GPC6: variants seen among roughly 807,000 people sequenced by gnomAD.
GPC6 encodes the protein glypican-6.
GPC6 carries 14 observed loss-of-function variants against 55.2 expected under a neutral mutation model. That is an observed-to-expected ratio of 0.25 (90% CI 0.17 to 0.40). The LOEUF (loss-of-function observed/expected upper bound fraction) is 0.40. Among genes scored for constraint, GPC6 ranks in the 10% least tolerant of loss-of-function variants. The pLI is 1.00. For missense variants in GPC6, 641 were observed against 708.5 expected, an observed-to-expected ratio of 0.90 and a Z score of 1.08; for synonymous variants, 278 against 259.6, an observed-to-expected ratio of 1.07 and a Z score of -0.68.
chr13:93,464,892 T>C (rs1046830892), intron 1 of GPC6, among the ~76,000 whole-genome samples: 2 of 152,186 alleles, frequency 1.3e-5, no homozygotes, highest in Non-Finnish European at 2.9e-5. Flanking sequence ...AAAGTTGAAA[T>C]GACTCATTGA....
intron 1 of GPC6, among the ~76,000 whole-genome samples, chr13:93,454,041 GT>G (rs567588639): frequency 0.02 from 3,057 of 151,814 alleles, 109 homozygotes; most frequent in African/African-American, 0.07. Context: ...AAGGTTCTCC[GT>G]GTCCCCACCA....
intron 4 of GPC6, among the ~76,000 whole-genome samples, chr13:94,111,089 G>C (rs1214147631): frequency 6.6e-6 from 1 of 152,026 alleles, no homozygotes; most frequent in Non-Finnish European, 1.5e-5. Context: ...ATAAAAATGA[G>C]CATCTTTTTC....
chr13:93,330,698 G>C (rs958082000), intron 1 of GPC6, among the ~76,000 whole-genome samples: 2 of 152,014 alleles, frequency 1.3e-5, no homozygotes, highest in South Asian at 4.2e-4. Context: ...GGCTGATCTC[G>C]ATTCTATTGC....
intron 2 of GPC6, among the ~76,000 whole-genome samples, chr13:93,753,845 A>C (rs1452644184): frequency 6.6e-6 from 1 of 152,138 alleles, no homozygotes; most frequent in East Asian, 1.9e-4. Flanking sequence ...GCAGTGATGC[A>C]ATCATAGCTC....
At chr13:93,679,824 T>C (rs796071869) in intron 2 of GPC6, among the ~76,000 whole-genome samples, 13 of 105,206 alleles carry the variant, frequency 1.2e-4, no homozygotes, top group African/African-American at 4.0e-4. Context: ...CTAGGTGTTA[T>C]GAGCAAAAAA....
chr13:93,522,665 A>C (rs936403694), intron 1 of GPC6, among the ~76,000 whole-genome samples: 2 of 151,880 alleles, frequency 1.3e-5, no homozygotes, highest in Non-Finnish European at 2.9e-5. Context: ...TAAGTCATCA[A>C]AGACAAAACA....
At chr13:93,814,236 A>T (rs1392967372) in intron 2 of GPC6, among the ~76,000 whole-genome samples, 1 of 152,186 alleles carries the variant, frequency 6.6e-6, no homozygotes, top group African/African-American at 2.4e-5. Context: ...TTCTAGATTT[A>T]TGCCATTAAC....
At chr13:94,334,216 C>T (rs1394072220) in intron 6 of GPC6, among the ~76,000 whole-genome samples, 3 of 152,174 alleles carry the variant, frequency 2.0e-5, no homozygotes, top group African/African-American at 2.4e-5. Flanking sequence ...TTATCTTGAA[C>T]GCAGCCATGG....
intron 2 of GPC6, among the ~76,000 whole-genome samples, chr13:93,605,347 A>G (rs1010002500): frequency 4.6e-5 from 7 of 152,272 alleles, no homozygotes; most frequent in African/African-American, 1.7e-4. Flanking sequence ...ATAAGGCATC[A>G]TTTTTCCTTA....
intron 1 of GPC6, among the ~76,000 whole-genome samples, chr13:93,445,963 G>T (rs1189884019): frequency 9.9e-5 from 15 of 152,166 alleles, no homozygotes; most frequent in African/African-American, 3.6e-4. Flanking sequence ...AAATATGGCA[G>T]AGAGGGTGAA....
At chr13:93,766,910 C>T (rs1373270376) in intron 2 of GPC6, among the ~76,000 whole-genome samples, 1 of 152,044 alleles carries the variant, frequency 6.6e-6, no homozygotes, top group Non-Finnish European at 1.5e-5. Flanking sequence ...TTTTGGGTCA[C>T]TCATTTTAGC....
chr13:94,314,478 G>A (rs948324697), intron 6 of GPC6, among the ~76,000 whole-genome samples: 3 of 152,148 alleles, frequency 2.0e-5, no homozygotes, highest in Non-Finnish European at 4.4e-5. Context: ...CTGCGCACTC[G>A]TTTCACGGTA....
chr13:93,935,074 A>G (rs1465346693), intron 3 of GPC6, among the ~76,000 whole-genome samples: 3 of 152,170 alleles, frequency 2.0e-5, no homozygotes, highest in Non-Finnish European at 4.4e-5. Context: ...TTACTTGTTA[A>G]TACGGCCTCT....
chr13:94,157,973 C>T (rs1888014179), intron 4 of GPC6, among the ~76,000 whole-genome samples: 1 of 152,062 alleles, frequency 6.6e-6, no homozygotes, highest in South Asian at 2.1e-4. Context: ...TTACCATGGA[C>T]TAAGAGAAAG....
intron 4 of GPC6, among the ~76,000 whole-genome samples, chr13:94,146,308 A>G (rs1887561031): frequency 2.0e-5 from 3 of 152,138 alleles, no homozygotes; most frequent in Non-Finnish European, 4.4e-5. Flanking sequence ...AATAGAAAAT[A>G]AAAGAAAAAA....
At chr13:94,131,778 G>A (rs576979492) in intron 4 of GPC6, among the ~76,000 whole-genome samples, 1 of 152,078 alleles carries the variant, frequency 6.6e-6, no homozygotes, top group Non-Finnish European at 1.5e-5. Flanking sequence ...TCTCAAAGAC[G>A]TAAAATAAGA....
At chr13:93,504,711 T>A (rs934567932) in intron 1 of GPC6, among the ~76,000 whole-genome samples, 11 of 151,654 alleles carry the variant, frequency 7.3e-5, no homozygotes, top group African/African-American at 1.9e-4. Flanking sequence ...AAAATAACAT[T>A]TCCAATAGTA....
chr13:93,674,468 A>G (rs570292565), intron 2 of GPC6, among the ~76,000 whole-genome samples: 5 of 152,300 alleles, frequency 3.3e-5, no homozygotes, highest in South Asian at 4.1e-4. Context: ...GCAGTCTCTT[A>G]TCTTGTGCTT....
chr13:93,778,361 T>C (rs1781995003), intron 2 of GPC6, among the ~76,000 whole-genome samples: 1 of 152,122 alleles, frequency 6.6e-6, no homozygotes, highest in South Asian at 2.1e-4. Context: ...AAGAGAGATT[T>C]CCTGGGTGGT....
Sources: allele counts gnomAD v4.1 joint callset (sites outside exome capture counted in the v4.1 genomes callset), GRCh38; gene constraint gnomAD v4.1.1; transcripts MANE v1.5; gene names NCBI Gene and HGNC (gene_info 2026-07-23, HGNC 2026-07-21).